ACAD11: variants seen among roughly 807,000 people sequenced by gnomAD.
ACAD11 encodes the protein acyl-CoA dehydrogenase family member 11.
In ACAD11, 83 loss-of-function variants were observed where a neutral mutation model predicts 102.2. The observed-to-expected ratio is 0.81, with a 90% confidence interval of 0.68 to 0.97. ACAD11 has a LOEUF of 0.97. Among genes scored for constraint, ACAD11 ranks in the 50% least tolerant of loss-of-function variants. The pLI is 0.00. For missense variants in ACAD11, 901 were observed against 951.7 expected (o/e 0.95, Z 0.70); for synonymous variants, 324 against 319.8 (o/e 1.01, Z -0.14).
chr3:132,565,225 C>T (rs1022092571), intron 17 of ACAD11, among the ~76,000 whole-genome samples: 1 of 152,144 alleles, frequency 6.6e-6, no homozygotes, highest in African/African-American at 2.4e-5. Context: ...AGCTCCCCTG[C>T]CAGGAAGGTA....
chr3:132,633,207 G>T (rs544830941), intron 5 of ACAD11, among the ~76,000 whole-genome samples: 1 of 152,222 alleles, frequency 6.6e-6, no homozygotes, highest in Admixed American at 6.5e-5. Context: ...ATTGGCTGTG[G>T]GTTTGTCATA....
At chr3:132,641,705 GAA>G (rs777004455) in intron 4 of ACAD11, among the ~76,000 whole-genome samples, 7,556 of 112,778 alleles carry the variant, frequency 0.067, 274 homozygotes, top group Middle Eastern at 0.099. Context: ...AGAGGAAGAA[GAA>G]GAAGAAGAAG....
chr3:132,579,838 T>C (rs1937573519), intron 13 of ACAD11, among the ~76,000 whole-genome samples: 1 of 152,116 alleles, frequency 6.6e-6, no homozygotes, highest in African/African-American at 2.4e-5. Flanking sequence ...ATTTACACCA[T>C]TTCAGACATC....
At chr3:132,603,366 T>C in intron 12 of ACAD11, 39 bp from the exon 13 acceptor site, 1 of 1,542,712 alleles carries the variant, frequency 6.5e-7, no homozygotes, top group Non-Finnish European at 9.0e-7. Context: ...GGCAGGCAGA[T>C]ATCATCAGTA....
At chr3:132,607,240 C>T (rs545531261) in intron 11 of ACAD11, among the ~76,000 whole-genome samples, 3 of 152,114 alleles carry the variant, frequency 2.0e-5, no homozygotes, top group Non-Finnish European at 4.4e-5. Flanking sequence ...CAACCCCTCG[C>T]CAGCAAGGGA....
Position 132,618,764 on chromosome 3 carries a change from G to C in ACAD11, c.1284C>G (p.Ala428=). Residue 428 remains alanine, a synonymous_variant, in exon 11 of 20, where the codon GCC becomes GCG. Transcript: ENST00000264990. The part of the protein sequence containing the change: ...PLVIDKLKEM[A]KVEGLWNLFL... Reference sequence around the variant, plus strand: ...ACAAGTTCCAGAGACCCTCGACTTTGGCCATTTCCTGTCAAGGTGATGAAC... The same window carrying C: ...ACAAGTTCCAGAGACCCTCGACTTTCGCCATTTCCTGTCAAGGTGATGAAC... 6.3e-7 allele frequency: 1 copy of C among 1,590,142 alleles called. No individual in the cohort carries two copies. The highest frequency in any genetic ancestry group is 8.5e-7 in the Non-Finnish European group (1 of 1,171,198).
chr3:132,659,477 G>A lies in ACAD11; in HGVS notation c.149+126C>T, dbSNP rs936871292. 6 of 1,356,472 alleles carry A rather than the reference G, an allele frequency of 4.4e-6. No homozygotes were observed. The African/African-American group carries it at 8.8e-5, about 20-fold the overall frequency. The allele number at this position is 1,356,472 out of a possible 1,614,324, so 84.0% of individuals were successfully genotyped here. A position where few individuals can be genotyped will look rare whatever the true frequency, so the allele number is the denominator to read the frequency against. On this transcript the variant is annotated intron_variant, in intron 1 of 19. Coordinates refer to ENST00000264990, the MANE Select transcript of ACAD11 (RefSeq NM_032169.5). ...GGCAATAGCAGCTCATGCCTGTAGGGTGCGTCCACTGACTGCAGGAAAAGC... is the reference window on the plus strand; with the variant it reads ...GGCAATAGCAGCTCATGCCTGTAGGATGCGTCCACTGACTGCAGGAAAAGC...
intron 17 of ACAD11, among the ~76,000 whole-genome samples, chr3:132,565,312 G>T (rs1937179630): frequency 1.3e-5 from 2 of 152,152 alleles, no homozygotes; most frequent in South Asian, 4.1e-4. Context: ...CATCTTATGG[G>T]TTGTTAGTGC....
chr3:132,629,319 C>T (rs1939942850), intron 7 of ACAD11, among the ~76,000 whole-genome samples: 1 of 152,146 alleles, frequency 6.6e-6, no homozygotes, highest in Admixed American at 6.5e-5. Flanking sequence ...TGCCGCCACA[C>T]CTGGCTAATT....
chr3:132,614,160 A>C (rs1271224401), intron 11 of ACAD11, among the ~76,000 whole-genome samples: 2 of 152,204 alleles, frequency 1.3e-5, no homozygotes, highest in Non-Finnish European at 2.9e-5. Context: ...ACCACTGCTC[A>C]AGGAAATAAG....
intron 17 of ACAD11, among the ~76,000 whole-genome samples, chr3:132,575,011 T>G (rs544624141): frequency 6.3e-5 from 9 of 141,810 alleles, no homozygotes; most frequent in East Asian, 3.9e-4. Context: ...ATTTTTTTTG[T>G]TTTTTTTTGT....
rs77901538 is a variant in ACAD11 at position 132,573,996 on chromosome 3, G to A, written c.2001+1776C>T. On this transcript the variant is annotated intron_variant, in intron 17 of 19. Coordinates refer to ENST00000264990, the MANE Select transcript of ACAD11 (RefSeq NM_032169.5). Reference sequence around the variant, plus strand: ...CATCTTTTTGTTTCTGCCAGATCACGTTATTTGTGCCAGATGTGAAAAGTT... The same window carrying A: ...CATCTTTTTGTTTCTGCCAGATCACATTATTTGTGCCAGATGTGAAAAGTT... Among the ~76,000 whole-genome samples the A allele has an allele frequency of 5.4e-3, 825 of 152,240 alleles. 10 individuals are homozygous for A. Among genetic ancestry groups the A allele is most frequent in the African/African-American group, 0.019 (783 of 41,526 alleles).
At chr3:132,583,850 T>C (rs567783316) in intron 13 of ACAD11, among the ~76,000 whole-genome samples, 1 of 152,348 alleles carries the variant, frequency 6.6e-6, no homozygotes, top group South Asian at 2.1e-4. Flanking sequence ...TTCCATGTAG[T>C]TGAGCAGTTT....
chr3:132,574,246 G>T (rs1937461054), intron 17 of ACAD11, among the ~76,000 whole-genome samples: 1 of 152,120 alleles, frequency 6.6e-6, no homozygotes, highest in African/African-American at 2.4e-5. Flanking sequence ...TTGACAAAAG[G>T]GTAAGAAGTA....
intron 13 of ACAD11, among the ~76,000 whole-genome samples, chr3:132,589,731 G>C (rs138393090): frequency 6.6e-6 from 1 of 152,192 alleles, no homozygotes; most frequent in East Asian, 1.9e-4. Flanking sequence ...TTTTATTTTA[G>C]GTTTGGGGGG....
At chr3:132,629,379 C>T (rs1055078463) in intron 7 of ACAD11, among the ~76,000 whole-genome samples, 1 of 152,086 alleles carries the variant, frequency 6.6e-6, no homozygotes, top group Admixed American at 6.5e-5. Flanking sequence ...AGGCTGGTCT[C>T]GAACTCCTGA....
chr3:132,605,010 C>A, intron 12 of ACAD11, 88 bp downstream of exon 12: 1 of 1,002,386 alleles, frequency 1.0e-6, no homozygotes, highest in Non-Finnish European at 1.5e-6. Flanking sequence ...GACTGAAACA[C>A]AGAACCACAT....
chr3:132,605,156 C>A lies in ACAD11; in HGVS notation c.1464G>T (p.Lys488Asn), dbSNP rs151295721. ...GAAGAAGAGGCTCAAGCCACTGTTT[C>A]TTCTGTTCCTCACTTCCATACAGGT... The part of the protein sequence containing the change: ...VLHLYGSEEQ[K>N]KQWLEPLLQG... The change falls in exon 12 of 20, where the codon AAG becomes AAT. Residue 488 changes from lysine to asparagine, a missense_variant. Lys to Asn is a moderately conservative substitution (Grantham distance 94). Coordinates refer to ENST00000264990, the MANE Select transcript of ACAD11 (RefSeq NM_032169.5). The A allele has an allele frequency of 1.0e-4, 161 of 1,613,728 alleles. 1 individual carries two copies. In the African/African-American group the frequency reaches 2.0e-3, roughly 20 times the overall value.
At chr3:132,634,189 G>T (rs1198279190) in intron 5 of ACAD11, among the ~76,000 whole-genome samples, 1 of 152,092 alleles carries the variant, frequency 6.6e-6, no homozygotes, top group African/African-American at 2.4e-5. Flanking sequence ...AATCTACAAT[G>T]AACTCAAACA....
Sources: allele counts gnomAD v4.1 joint callset (sites outside exome capture counted in the v4.1 genomes callset), GRCh38; gene constraint gnomAD v4.1.1; transcripts MANE v1.5; gene names NCBI Gene and HGNC (gene_info 2026-07-23, HGNC 2026-07-21).